The following TMEM117 variants were observed in gnomAD, a reference collection of about 807,000 sequenced individuals.
The protein encoded by TMEM117 is transmembrane protein 117.
A neutral mutation model predicts 52.4 loss-of-function variants in TMEM117; 27 were observed. That is an observed-to-expected ratio of 0.51 (90% CI 0.38 to 0.71). The LOEUF (loss-of-function observed/expected upper bound fraction) is 0.71, where lower values mean the gene tolerates loss of function less well. Ranked by LOEUF, TMEM117 falls within the 30% of genes least tolerant of loss-of-function variation. The pLI is 0.00. For synonymous variants in TMEM117, 215 were observed against 206.3 expected (o/e 1.04, Z -0.36); for missense variants, 556 against 630.5 (o/e 0.88, Z 1.26).
chr12:44,305,581 A>C (rs2138656422), intron 6 of TMEM117, among the ~76,000 whole-genome samples: 1 of 152,320 alleles, frequency 6.6e-6, no homozygotes, highest in South Asian at 2.1e-4. Context: ...TCATCAGATA[A>C]ATGCAAATCA....
At chr12:44,288,624 G>C (rs1044739661) in intron 5 of TMEM117, among the ~76,000 whole-genome samples, 1 of 151,982 alleles carries the variant, frequency 6.6e-6, no homozygotes, top group Non-Finnish European at 1.5e-5. Context: ...TCTAATTACC[G>C]AAGTACTTAT....
intron 3 of TMEM117, among the ~76,000 whole-genome samples, chr12:44,059,199 G>A (rs982625630): frequency 6.6e-6 from 1 of 152,202 alleles, no homozygotes; most frequent in Non-Finnish European, 1.5e-5. Context: ...CTAACAGGCA[G>A]CAGTATCGGT....
intron 2 of TMEM117, among the ~76,000 whole-genome samples, chr12:43,940,377 A>G (rs551686300): frequency 2.0e-5 from 3 of 152,278 alleles, no homozygotes; most frequent in African/African-American, 7.2e-5. Flanking sequence ...AGAACTCTCA[A>G]TTTAAAAAGT....
Position 44,027,119 on chromosome 12 carries a change from ATTATTTTATTTTATATT to A in TMEM117, c.410+82792_410+82808del, listed in dbSNP as rs1946547652. 2.6e-5 allele frequency among the ~76,000 whole-genome samples: 3 copies of A among 115,470 alleles called. No homozygotes were observed. In the East Asian group the frequency reaches 6.1e-4, roughly 24 times the overall value. The allele number at this position is 115,470 out of a possible 152,430, so 75.8% of individuals were successfully genotyped here. ...ATTTTATTTTATTTTATTTTATCTT[ATTATTTTATTTTATATT>A]TTATTTTATTTTATTTTATTTTATT... is the stretch of plus-strand genomic sequence containing the variant. On this transcript the variant is annotated intron_variant, in intron 3 of 7. Coordinates refer to ENST00000266534, the MANE Select transcript of TMEM117 (RefSeq NM_032256.3).
intron 2 of TMEM117, among the ~76,000 whole-genome samples, chr12:43,904,340 C>T (rs1944350577): frequency 1.3e-5 from 2 of 152,162 alleles, no homozygotes; most frequent in Non-Finnish European, 1.5e-5. Context: ...TACCACTGCA[C>T]TCCAGCCTAG....
chr12:44,032,638 G>C (rs1946650343), intron 3 of TMEM117, among the ~76,000 whole-genome samples: 1 of 152,064 alleles, frequency 6.6e-6, no homozygotes, highest in Non-Finnish European at 1.5e-5. Flanking sequence ...TGTATTCTTG[G>C]TGTAGGAATG....
chr12:44,120,163 C>G (rs1948209870), intron 3 of TMEM117, among the ~76,000 whole-genome samples: 2 of 151,920 alleles, frequency 1.3e-5, no homozygotes, highest in African/African-American at 2.4e-5. Flanking sequence ...GAGGAAATGA[C>G]AGAAGAAAGG....
At chr12:43,978,083 C>G (rs1014015601) in intron 3 of TMEM117, among the ~76,000 whole-genome samples, 5 of 152,076 alleles carry the variant, frequency 3.3e-5, no homozygotes, top group Non-Finnish European at 5.9e-5. Context: ...ATTTGTTTAG[C>G]TAGTCTTTGG....
At chr12:44,152,194 T>A (rs1456116391) in intron 4 of TMEM117, among the ~76,000 whole-genome samples, 2 of 110,414 alleles carry the variant, frequency 1.8e-5, no homozygotes, top group East Asian at 3.0e-4. Context: ...AAAATATATA[T>A]AAATATAATT....
chr12:43,874,519 A>G (rs904578788), intron 2 of TMEM117, among the ~76,000 whole-genome samples: 4 of 152,136 alleles, frequency 2.6e-5, no homozygotes, highest in Non-Finnish European at 5.9e-5. Flanking sequence ...TGAACCCAGG[A>G]GGCAGAGGTT....
intron 4 of TMEM117, among the ~76,000 whole-genome samples, chr12:44,180,052 A>G (rs899771856): frequency 7.2e-5 from 11 of 152,150 alleles, no homozygotes; most frequent in African/African-American, 2.4e-4. Context: ...AGTGAAATAA[A>G]TCACTTCAAC....
chr12:44,252,651 G>C (rs1208376637), intron 5 of TMEM117, among the ~76,000 whole-genome samples: 1 of 152,206 alleles, frequency 6.6e-6, no homozygotes, highest in East Asian at 1.9e-4. Flanking sequence ...TTATAGAATA[G>C]TTGTCTAGGA....
At chr12:44,370,505 CTTT>C (rs947989035) in intron 6 of TMEM117, among the ~76,000 whole-genome samples, 3 of 120,422 alleles carry the variant, frequency 2.5e-5, no homozygotes, top group Non-Finnish European at 3.4e-5. Flanking sequence ...CACAGAGATT[CTTT>C]TTTTTTTTTT....
intron 3 of TMEM117, among the ~76,000 whole-genome samples, chr12:44,024,831 T>G (rs1946507668): frequency 1.3e-5 from 2 of 152,130 alleles, no homozygotes; most frequent in African/African-American, 2.4e-5. Flanking sequence ...TGTGTATATA[T>G]GTATATCTAC....
chr12:44,377,754 G>T (rs1196862461), intron 7 of TMEM117, among the ~76,000 whole-genome samples: 1 of 152,188 alleles, frequency 6.6e-6, no homozygotes, highest in Non-Finnish European at 1.5e-5. Flanking sequence ...GAAGAAATCT[G>T]TGCTTACACT....
At chr12:44,379,920 T>C (rs935710389) in intron 7 of TMEM117, among the ~76,000 whole-genome samples, 1 of 152,164 alleles carries the variant, frequency 6.6e-6, no homozygotes, top group African/African-American at 2.4e-5. Flanking sequence ...CGTTAATGTG[T>C]ATTGGAATCA....
At chr12:44,187,515 A>C (rs939624603) in intron 4 of TMEM117, among the ~76,000 whole-genome samples, 2 of 152,132 alleles carry the variant, frequency 1.3e-5, no homozygotes, top group African/African-American at 4.8e-5. Flanking sequence ...AGCACTCAGT[A>C]ATGTTTTTGC....
At chr12:43,967,355 C>G (rs11182352) in intron 3 of TMEM117, among the ~76,000 whole-genome samples, 1,766 of 152,168 alleles carry the variant, frequency 0.012, 40 homozygotes, top group East Asian at 0.069. Flanking sequence ...AACTCCTGGA[C>G]TCGAGCGATC....
intron 3 of TMEM117, among the ~76,000 whole-genome samples, chr12:43,970,811 C>A (rs1565775177): frequency 6.6e-6 from 1 of 152,134 alleles, no homozygotes; most frequent in African/African-American, 2.4e-5. Flanking sequence ...TTTTCTTACT[C>A]TAGTTAGGCT....
Sources: allele counts gnomAD v4.1 joint callset (sites outside exome capture counted in the v4.1 genomes callset), GRCh38; gene constraint gnomAD v4.1.1; transcripts MANE v1.5; gene names NCBI Gene and HGNC (gene_info 2026-07-23, HGNC 2026-07-21).